GAS7: variants seen among roughly 807,000 people sequenced by gnomAD.
GAS7 encodes the protein growth arrest specific 7.
In GAS7, 28 loss-of-function variants were observed where a neutral mutation model predicts 71.1. The ratio of observed to expected loss-of-function variants is 0.39; its 90% CI spans 0.29 to 0.54. The LOEUF (loss-of-function observed/expected upper bound fraction) is 0.54, where lower values mean the gene tolerates loss of function less well. Ranked by LOEUF, GAS7 falls within the 20% of genes least tolerant of loss-of-function variation. GAS7 has a pLI of 0.62. For missense variants in GAS7, 436 were observed against 627.8 expected, an observed-to-expected ratio of 0.69 and a Z score of 3.27; for synonymous variants, 258 against 245.8, an observed-to-expected ratio of 1.05 and a Z score of -0.46.
At chr17:9,929,832 T>C (rs962382764) in intron 9 of GAS7, among the ~76,000 whole-genome samples, 41 of 152,202 alleles carry the variant, frequency 2.7e-4, no homozygotes, top group African/African-American at 9.4e-4. Flanking sequence ...GTTAGGCTGG[T>C]ATCTTTAGTA....
chr17:10,135,682 G>A (rs1021937521), intron 1 of GAS7, among the ~76,000 whole-genome samples: 4 of 152,128 alleles, frequency 2.6e-5, no homozygotes, highest in Admixed American at 2.0e-4. Context: ...TCCACCCACA[G>A]CTCTGGTACC....
chr17:10,065,135 A>G (rs2073267856), intron 1 of GAS7, among the ~76,000 whole-genome samples: 1 of 152,226 alleles, frequency 6.6e-6, no homozygotes, highest in Non-Finnish European at 1.5e-5. Flanking sequence ...AACATTTAAT[A>G]GAAAGAGTCC....
intron 8 of GAS7, among the ~76,000 whole-genome samples, chr17:9,938,048 G>T (rs192656821): frequency 1.3e-5 from 2 of 152,056 alleles, no homozygotes; most frequent in Non-Finnish European, 2.9e-5. Flanking sequence ...AAACATTTTC[G>T]TCATGCTAGT....
At chr17:10,081,629 C>T (rs906971881) in intron 1 of GAS7, among the ~76,000 whole-genome samples, 3 of 152,072 alleles carry the variant, frequency 2.0e-5, no homozygotes, top group Non-Finnish European at 4.4e-5. Context: ...GCACAGGAAA[C>T]CCACAAGAGA....
intron 1 of GAS7, among the ~76,000 whole-genome samples, chr17:10,043,477 T>A (rs956590103): frequency 6.6e-6 from 1 of 152,136 alleles, no homozygotes; most frequent in Admixed American, 6.6e-5. Context: ...AACTTTTGAC[T>A]CCCTCAAAAG....
intron 1 of GAS7, among the ~76,000 whole-genome samples, chr17:10,098,407 G>C (rs1349740134): frequency 2.6e-5 from 4 of 152,220 alleles, no homozygotes; most frequent in African/African-American, 9.7e-5. Flanking sequence ...CTTTTGCCCA[G>C]ATCTCTCCAT....
chr17:10,165,595 T>C (rs922518940), intron 1 of GAS7, among the ~76,000 whole-genome samples: 1 of 152,248 alleles, frequency 6.6e-6, no homozygotes, highest in Non-Finnish European at 1.5e-5. Context: ...CAAGAGTGTC[T>C]TTAAAAAGTC....
chr17:10,144,320 C>A (rs1202628313), intron 1 of GAS7, among the ~76,000 whole-genome samples: 1 of 152,178 alleles, frequency 6.6e-6, no homozygotes, highest in Admixed American at 6.6e-5. Flanking sequence ...TGAGCCTCTG[C>A]TTCTCATAGG....
intron 9 of GAS7, among the ~76,000 whole-genome samples, chr17:9,932,001 G>A (rs914156479): frequency 7.9e-5 from 12 of 152,138 alleles, no homozygotes; most frequent in South Asian, 2.1e-4. Context: ...AGTGCTGAAC[G>A]TGGAAGTCCC....
chr17:10,020,260 G>A lies in GAS7; in HGVS notation c.184-363C>T, dbSNP rs576260020. The A allele has an allele frequency of 3.7e-5, 8 of 215,060 alleles. No homozygotes were observed. In the South Asian group the frequency reaches 1.1e-3, roughly 29 times the overall value. 13.3% of individuals were successfully genotyped at this position (215,060 alleles called of 1,614,324 possible). The stretch of plus-strand genomic sequence containing the variant: ...TCCACCACCTCCCATTGTGAAATCT[G>A]AAGCCTGAAATTCCCAGACCACGAA... On this transcript the variant is annotated intron_variant, in intron 1 of 13. Transcript: ENST00000432992.
Position 9,919,666 on chromosome 17 carries a change from G to A in GAS7, c.1178C>T (p.Ala393Val). The A allele has an allele frequency of 6.2e-7, 1 of 1,611,526 alleles. No homozygotes were observed. Among genetic ancestry groups the A allele is most frequent in the South Asian group, 1.1e-5 (1 of 90,896 alleles). The part of the protein sequence containing the change: ...LMRCVDLYNQ[A>V]QSKWFEEMVT... ...CATCTCTTCAAACCATTTGGACTGGGCCTGGTTGTAGAGATCCACACAGCG... is the reference window on the plus strand; with the variant it reads ...CATCTCTTCAAACCATTTGGACTGGACCTGGTTGTAGAGATCCACACAGCG... The change falls in exon 12 of 14, where the codon GCC becomes GTC. Residue 393 changes from alanine (A) to valine (V), a missense_variant. Ala to Val is a moderately conservative substitution (Grantham distance 64, BLOSUM62 0). Coordinates refer to ENST00000432992, the MANE Select transcript of GAS7 (RefSeq NM_201433.2). This position sits in a 1 kb window ranked among gnomAD's most constrained non-coding sequence, Gnocchi z 5.0.
chr17:10,142,548 T>C (rs954192526), intron 1 of GAS7, among the ~76,000 whole-genome samples: 2 of 152,074 alleles, frequency 1.3e-5, no homozygotes, highest in Non-Finnish European at 2.9e-5. Flanking sequence ...TTCGTATTTT[T>C]AGTAGAGACG....
intron 1 of GAS7, among the ~76,000 whole-genome samples, chr17:10,181,098 A>G (rs2074411470): frequency 6.6e-6 from 1 of 150,418 alleles, no homozygotes; most frequent in South Asian, 2.1e-4. Context: ...ACGGTGGCTC[A>G]CGCCTGTAAT....
intron 9 of GAS7, among the ~76,000 whole-genome samples, chr17:9,927,769 A>G (rs2068062562): frequency 6.6e-6 from 1 of 152,196 alleles, no homozygotes; most frequent in African/African-American, 2.4e-5. Flanking sequence ...GCAGGTGCTG[A>G]GAATACAAAG....
intron 1 of GAS7, among the ~76,000 whole-genome samples, chr17:10,194,858 C>T (rs1472662258): frequency 2.3e-5 from 2 of 85,196 alleles, no homozygotes; most frequent in Non-Finnish European, 5.2e-5. Context: ...GACTCTGTCT[C>T]AAAAAAAAAA....
rs567138615 is a variant in GAS7, at chr17:10,134,222, G to A, written c.183+63986C>T. On this transcript the variant is annotated intron_variant, in intron 1 of 13. Transcript: ENST00000432992. ...TTTTTCTTGTATTTTTAGTAGAGAC[G>A]GGGTTTCACCATGTTGGCCAGGATG... is the stretch of plus-strand genomic sequence containing the variant. 3.0e-4 allele frequency among the ~76,000 whole-genome samples: 45 copies of A among 151,956 alleles called. 1 individual carries two copies. The South Asian group carries it at 6.3e-3, about 21-fold the overall frequency.
Position 9,981,953 on chromosome 17 carries a change from A to G in GAS7, c.305-69T>C, listed in dbSNP as rs2070426964. ...GGGCAGAACCTGAGTTTCACAGAGC[A>G]GAAGGAGATGCTCAGAGCTGGAGAA... is the stretch of plus-strand genomic sequence containing the variant. On this transcript the variant is annotated intron_variant, in intron 2 of 13. Transcript: ENST00000432992. The surrounding 1 kb of genome is among the most constrained non-coding windows in gnomAD (Gnocchi z 4.4). 1.2e-6 allele frequency: 1 copy of G among 867,456 alleles called. No homozygotes were observed. The highest frequency in any genetic ancestry group is 2.4e-5 in the East Asian group (1 of 41,252). The allele number at this position is 867,456 out of a possible 1,614,324, so 53.7% of individuals were successfully genotyped here. A position where few individuals can be genotyped will look rare whatever the true frequency, so the allele number is the denominator to read the frequency against.
At chr17:9,927,246 C>T (rs966192295) in intron 9 of GAS7, among the ~76,000 whole-genome samples, 33 of 148,948 alleles carry the variant, frequency 2.2e-4, no homozygotes, top group Admixed American at 7.3e-4. Flanking sequence ...GTCAGGAGTT[C>T]GAGACCAGCC....
rs543728406 is a variant in GAS7, at chr17:9,916,799, C to A, written c.*429G>T. 2.6e-4 allele frequency: 107 copies of A among 404,094 alleles called. No homozygotes were observed. In the East Asian group the frequency reaches 3.7e-3, roughly 14 times the overall value. The allele number at this position is 404,094 out of a possible 1,614,324, so 25.0% of individuals were successfully genotyped here. A position where few individuals can be genotyped will look rare whatever the true frequency, so the allele number is the denominator to read the frequency against. The stretch of plus-strand genomic sequence containing the variant: ...GGCACCTTCTACCCATGATTCTGAT[C>A]CTGACACCTGGCTTAGAGACAGAGC... On this transcript the variant is annotated 3_prime_UTR_variant, in exon 14 of 14. Coordinates refer to ENST00000432992, the MANE Select transcript of GAS7 (RefSeq NM_201433.2).
Sources: allele counts gnomAD v4.1 joint callset (sites outside exome capture counted in the v4.1 genomes callset), GRCh38; gene constraint gnomAD v4.1.1; non-coding constraint Gnocchi (gnomAD v3.1); transcripts MANE v1.5; gene names NCBI Gene and HGNC (gene_info 2026-07-23, HGNC 2026-07-21).